Variants in NALF1 observed in about 807,000 individuals in gnomAD.
NALF1 encodes NALCN channel auxiliary factor 1.
A neutral mutation model predicts 48.4 loss-of-function variants in NALF1; 3 were observed. That is an observed-to-expected ratio of 0.06 (90% CI 0.03 to 0.16). The LOEUF is 0.16. NALF1 is among the 10% of genes least tolerant of loss of function. The pLI is 1.00. For missense variants in NALF1, 526 were observed against 571.5 expected (o/e 0.92, Z 0.81); for synonymous variants, 262 against 245.7 (o/e 1.07, Z -0.62).
intron 1 of NALF1, among the ~76,000 whole-genome samples, chr13:107,823,763 G>A (rs971493416): frequency 1.3e-5 from 2 of 152,190 alleles, no homozygotes; most frequent in African/African-American, 4.8e-5. Flanking sequence ...TTTGGAGCCT[G>A]ACAGCCTGAG....
intron 1 of NALF1, among the ~76,000 whole-genome samples, chr13:107,474,132 T>C (rs938012825): frequency 2.7e-5 from 4 of 150,646 alleles, no homozygotes; most frequent in Non-Finnish European, 4.5e-5. Flanking sequence ...CTGAATAAAA[T>C]TTTTTTTTCT....
At chr13:107,256,655 T>C (rs1271332440) in intron 1 of NALF1, among the ~76,000 whole-genome samples, 2 of 151,912 alleles carry the variant, frequency 1.3e-5, no homozygotes, top group Non-Finnish European at 2.9e-5. Flanking sequence ...TACTTGTTAA[T>C]GTAACTGAAA....
intron 1 of NALF1, among the ~76,000 whole-genome samples, chr13:107,211,861 A>C (rs1394585034): frequency 6.6e-6 from 1 of 152,208 alleles, no homozygotes; most frequent in Non-Finnish European, 1.5e-5. Flanking sequence ...TAAGCTGTAA[A>C]CTTTTTTTTC....
intron 1 of NALF1, among the ~76,000 whole-genome samples, chr13:107,537,169 T>C (rs1266966883): frequency 6.6e-6 from 1 of 152,042 alleles, no homozygotes. Flanking sequence ...ACATGGCACA[T>C]GTATACATAT....
chr13:107,507,595 A>T (rs1241698081), intron 1 of NALF1, among the ~76,000 whole-genome samples: 7 of 13,602 alleles, frequency 5.1e-4, no homozygotes, highest in African/African-American at 7.9e-4. Context: ...ATTCTCCATT[A>T]AAAAAAAAAA....
chr13:107,810,433 A>G (rs762735103), intron 1 of NALF1, among the ~76,000 whole-genome samples: 13 of 152,000 alleles, frequency 8.6e-5, no homozygotes, highest in Non-Finnish European at 1.9e-4. Context: ...CTTGCTCTCT[A>G]GGTTCTTTCC....
At chr13:107,581,950 T>C (rs1003733692) in intron 1 of NALF1, among the ~76,000 whole-genome samples, 1 of 152,156 alleles carries the variant, frequency 6.6e-6, no homozygotes, top group African/African-American at 2.4e-5. Context: ...CCACAAAAGA[T>C]GCCTTTGGAC....
intron 1 of NALF1, among the ~76,000 whole-genome samples, chr13:107,441,526 C>G (rs968752429): frequency 2.0e-5 from 3 of 152,174 alleles, no homozygotes; most frequent in African/African-American, 4.8e-5. Context: ...GTCAAAGATT[C>G]ACTCCCTGTG....
chr13:107,435,549 C>A (rs958343630), intron 1 of NALF1, among the ~76,000 whole-genome samples: 8 of 152,282 alleles, frequency 5.3e-5, no homozygotes, highest in African/African-American at 1.7e-4. Context: ...AACTTGCTGA[C>A]AAACCTATCA....
At chr13:107,623,888 A>G (rs369814175) in intron 1 of NALF1, among the ~76,000 whole-genome samples, 81 of 152,338 alleles carry the variant, frequency 5.3e-4, no homozygotes, top group African/African-American at 1.8e-3. Flanking sequence ...TTCTAGATGG[A>G]GAGAAAATGA....
In NALF1 at chr13:107,867,233, G is replaced by C. The variant is rs1010902762; in HGVS notation, c.-637C>G. Among the ~76,000 whole-genome samples the C allele has an allele frequency of 6.6e-6, 1 of 150,506 alleles. No individual in the cohort carries two copies. The highest frequency in any genetic ancestry group is 1.5e-5 in the Non-Finnish European group (1 of 67,550). On this transcript the variant is annotated 5_prime_UTR_variant, in exon 1 of 3. Transcript: ENST00000375915. The surrounding 1 kb of genome is among the most constrained non-coding windows in gnomAD (Gnocchi z 4.4). ...CTCCTGCTCCGCGCTGGCTCTCCCAGAGTCCGGAGCCTGGGCTGCCTCCGG... is the reference window on the plus strand; with the variant it reads ...CTCCTGCTCCGCGCTGGCTCTCCCACAGTCCGGAGCCTGGGCTGCCTCCGG...
intron 1 of NALF1, among the ~76,000 whole-genome samples, chr13:107,325,980 T>C (rs1882356856): frequency 6.8e-6 from 1 of 147,006 alleles, no homozygotes; most frequent in Admixed American, 6.9e-5. Flanking sequence ...ACAACACACA[T>C]ATACATATAT....
intron 1 of NALF1, among the ~76,000 whole-genome samples, chr13:107,565,984 C>T (rs754078454): frequency 6.6e-6 from 1 of 152,056 alleles, no homozygotes; most frequent in African/African-American, 2.4e-5. Context: ...CTGGCTAGAA[C>T]GTAGATTTTC....
At chr13:107,736,481 G>A (rs1018393519) in intron 1 of NALF1, among the ~76,000 whole-genome samples, 6 of 152,114 alleles carry the variant, frequency 3.9e-5, no homozygotes, top group East Asian at 1.9e-4. Context: ...AGCAGCACAC[G>A]TACTCATTCC....
At chr13:107,815,835 A>G (rs1396485478) in intron 1 of NALF1, among the ~76,000 whole-genome samples, 1 of 152,196 alleles carries the variant, frequency 6.6e-6, no homozygotes, top group Non-Finnish European at 1.5e-5. Flanking sequence ...GATATATACT[A>G]TAACATTGAT....
intron 1 of NALF1, among the ~76,000 whole-genome samples, chr13:107,682,703 C>T (rs976733478): frequency 6.6e-6 from 1 of 151,840 alleles, no homozygotes; most frequent in Admixed American, 6.6e-5. Context: ...ACAAGTTCTG[C>T]GAGGGCCAGC....
In NALF1 at chr13:107,494,606, C is replaced by T. The variant is rs570413263; in HGVS notation, c.916-283851G>A. 3.3e-5 allele frequency among the ~76,000 whole-genome samples: 5 copies of T among 152,264 alleles called. No homozygotes were observed. In the East Asian group the frequency reaches 5.8e-4, roughly 18 times the overall value. ...ATAACTGAGCAATGAGATTCAAGTG[C>T]ATTGGAACCATGAGTCTTGCAGTCT... On this transcript the variant is annotated intron_variant, in intron 1 of 2. Transcript: ENST00000375915.
intron 1 of NALF1, among the ~76,000 whole-genome samples, chr13:107,301,937 T>C (rs968652697): frequency 1.2e-4 from 18 of 152,160 alleles, no homozygotes; most frequent in Non-Finnish European, 2.1e-4. Flanking sequence ...GGCGCTCTAG[T>C]TTGAATGTTT....
intron 1 of NALF1, among the ~76,000 whole-genome samples, chr13:107,414,076 G>A (rs1021368622): frequency 5.9e-5 from 9 of 152,200 alleles, no homozygotes; most frequent in Non-Finnish European, 1.2e-4. Context: ...TTAGAGGCGT[G>A]AGCCACTGCA....
Sources: gnomAD v4.1 joint callset for allele counts (sites outside exome capture counted in the v4.1 genomes callset) on GRCh38, gnomAD v4.1.1 for gene constraint, Gnocchi (gnomAD v3.1) non-coding constraint, MANE v1.5 for transcripts, NCBI Gene and HGNC (gene_info 2026-07-23, HGNC 2026-07-21) for gene names.